Variants in SLC25A21 observed in about 807,000 individuals in gnomAD.
SLC25A21 encodes the protein mitochondrial 2-oxodicarboxylate carrier.
In SLC25A21, 47 loss-of-function variants were observed where a neutral mutation model predicts 43.8. That is an observed-to-expected ratio of 1.07 (90% confidence interval 0.85 to 1.37). The LOEUF is 1.37. Among genes scored for constraint, SLC25A21 ranks in the 40% most tolerant of loss-of-function variants. SLC25A21 has a pLI of 0.00. For synonymous variants in SLC25A21, 131 were observed against 121.3 expected (o/e 1.08, Z -0.52); for missense variants, 352 against 350.2 (o/e 1.00, Z -0.04).
chr14:37,149,923 A>G (rs1963730490), intron 1 of SLC25A21, among the ~76,000 whole-genome samples: 1 of 152,186 alleles, frequency 6.6e-6, no homozygotes, highest in African/African-American at 2.4e-5. Context: ...TGATTACAGA[A>G]GCAAGCACTT....
chr14:37,159,239 T>C (rs1028445870), intron 1 of SLC25A21, among the ~76,000 whole-genome samples: 4 of 149,760 alleles, frequency 2.7e-5, no homozygotes, highest in African/African-American at 4.9e-5. Flanking sequence ...TTAAAATCCA[T>C]AGGGAATCAA....
intron 3 of SLC25A21, 134 bp downstream of exon 3, chr14:36,813,784 A>G (rs1403020092): frequency 1.2e-5 from 8 of 645,300 alleles, no homozygotes; most frequent in Middle Eastern, 8.4e-4. Context: ...CATTATTAGG[A>G]AAAACATAAC....
At chr14:36,824,802 T>TA (rs11386652) in intron 2 of SLC25A21, among the ~76,000 whole-genome samples, 82,007 of 99,524 alleles carry the variant, frequency 0.82, 34,843 homozygotes, top group Non-Finnish European at 0.91. Flanking sequence ...TCTGGAATCC[T>TA]AAAAAAAAAA....
chr14:36,776,641 A>G (rs1323410385), intron 3 of SLC25A21, among the ~76,000 whole-genome samples: 1 of 152,086 alleles, frequency 6.6e-6, no homozygotes, highest in East Asian at 1.9e-4. Flanking sequence ...CTGGAAACAC[A>G]GTGACTTTTG....
rs532808004 is a variant in SLC25A21, at chr14:37,136,421, A to C, written c.70+35860T>G. On this transcript the variant is annotated intron_variant, in intron 1 of 9. Coordinates refer to ENST00000331299, the MANE Select transcript of SLC25A21 (RefSeq NM_030631.4). ...ATTCAGCTGTATGAATCCAGGAAAC[A>C]TTTTTTTTCCTGTCACTATTAATTA... Among the ~76,000 whole-genome samples, 20 of 152,098 alleles carry C rather than the reference A, an allele frequency of 1.3e-4. No homozygotes were observed. The South Asian group carries it at 3.5e-3, about 27-fold the overall frequency.
Position 36,912,728 on chromosome 14 carries a change from T to C in SLC25A21, c.71-37724A>G, listed in dbSNP as rs571972151. 1.6e-4 allele frequency among the ~76,000 whole-genome samples: 25 copies of C among 152,364 alleles called. No individual in the cohort carries two copies. The South Asian group carries it at 5.2e-3, about 32-fold the overall frequency. Reference sequence around the variant, plus strand: ...TAGACTTGCCAAGAATGTAAGCCTCTGTCTGGGTAAGTCTGTCTATAAATT... The same window carrying C: ...TAGACTTGCCAAGAATGTAAGCCTCCGTCTGGGTAAGTCTGTCTATAAATT... On this transcript the variant is annotated intron_variant, in intron 1 of 9. Transcript: ENST00000331299.
intron 3 of SLC25A21, among the ~76,000 whole-genome samples, chr14:36,741,107 T>C (rs992380208): frequency 7.2e-5 from 11 of 152,322 alleles, no homozygotes; most frequent in Admixed American, 2.0e-4. Context: ...CCCCTCCTTT[T>C]ACCCCTCTGA....
chr14:37,063,475 G>C (rs1200548537), intron 1 of SLC25A21, among the ~76,000 whole-genome samples: 1 of 152,076 alleles, frequency 6.6e-6, no homozygotes, highest in Non-Finnish European at 1.5e-5. Context: ...ACTCCAGTCT[G>C]GGTGACAGAA....
chr14:36,960,217 C>G (rs1959454902), intron 1 of SLC25A21, among the ~76,000 whole-genome samples: 1 of 152,124 alleles, frequency 6.6e-6, no homozygotes, highest in Non-Finnish European at 1.5e-5. Context: ...CACAGGAATC[C>G]TCTTCCTATC....
At chr14:37,050,258 T>C (rs763822255) in intron 1 of SLC25A21, among the ~76,000 whole-genome samples, 5 of 152,224 alleles carry the variant, frequency 3.3e-5, no homozygotes, top group Non-Finnish European at 5.9e-5. Flanking sequence ...CACACACACA[T>C]ATTTGTGTTG....
chr14:37,098,770 CAGACAGACAGACAGACAGAT>C (rs1192089590), intron 1 of SLC25A21, among the ~76,000 whole-genome samples: 5 of 121,472 alleles, frequency 4.1e-5, no homozygotes, highest in African/African-American at 1.5e-4. Flanking sequence ...GACAGACAGA[CAGACAGACAGACAGACAGAT>C]AGATAGATAG....
In SLC25A21 at chr14:37,172,566, G is replaced by A. The variant is rs759994913; in HGVS notation, c.-216C>T. The stretch of plus-strand genomic sequence containing the variant: ...GTCGGAACCTGTTCGCAGCGCTCTC[G>A]CAGAGGCGCCCTCGGCTCCGAAAAT... On this transcript the variant is annotated 5_prime_UTR_variant, in exon 1 of 10. Transcript: ENST00000331299. 236 of 705,418 alleles carry A rather than the reference G, an allele frequency of 3.3e-4. 1 individual carries two copies. Among genetic ancestry groups the A allele is most frequent in the Admixed American group, 1.6e-4 (8 of 49,884 alleles). 43.7% of individuals were successfully genotyped at this position (705,418 alleles called of 1,614,324 possible).
intron 3 of SLC25A21, chr14:36,759,593 A>G (rs186581949): frequency 6.6e-6 from 1 of 152,358 alleles, no homozygotes; most frequent in East Asian, 1.9e-4. Context: ...CAAGTCCCCA[A>G]AGGGGAAAGG....
At chr14:36,789,908 A>T (rs549075217) in intron 3 of SLC25A21, among the ~76,000 whole-genome samples, 10 of 123,340 alleles carry the variant, frequency 8.1e-5, no homozygotes, top group African/African-American at 1.6e-4. Flanking sequence ...ATATATATTT[A>T]TATATATTAT....
intron 1 of SLC25A21, 63 bp from the exon 2 acceptor site, chr14:36,875,067 T>A: frequency 7.1e-7 from 1 of 1,403,086 alleles, no homozygotes; most frequent in Non-Finnish European, 1.0e-6. Flanking sequence ...ATTTCCTTGA[T>A]CCCGTCGATT....
At chr14:37,105,909 G>A (rs1281800788) in intron 1 of SLC25A21, among the ~76,000 whole-genome samples, 1 of 152,136 alleles carries the variant, frequency 6.6e-6, no homozygotes, top group Non-Finnish European at 1.5e-5. Context: ...ACTGCTGCAG[G>A]AAGTCAGGGA....
chr14:36,754,228 GT>G (rs1885837044), intron 3 of SLC25A21, among the ~76,000 whole-genome samples: 1 of 152,156 alleles, frequency 6.6e-6, no homozygotes, highest in Admixed American at 6.5e-5. Context: ...CATCCAATCA[GT>G]TGAAGGCCTG....
intron 1 of SLC25A21, among the ~76,000 whole-genome samples, chr14:36,890,064 C>T (rs1221908637): frequency 1.3e-5 from 2 of 151,984 alleles, no homozygotes; most frequent in Non-Finnish European, 2.9e-5. Context: ...TTTCTTCTGG[C>T]TTATAATTTC....
At chr14:37,079,694 G>T (rs147768065) in intron 1 of SLC25A21, among the ~76,000 whole-genome samples, 1 of 152,008 alleles carries the variant, frequency 6.6e-6, no homozygotes, top group Admixed American at 6.6e-5. Context: ...CAAAGATTTC[G>T]CTTGCTCTTC....
Sources: gnomAD v4.1 joint callset for allele counts (sites outside exome capture counted in the v4.1 genomes callset) on GRCh38, gnomAD v4.1.1 for gene constraint, MANE v1.5 for transcripts, NCBI Gene and HGNC (gene_info 2026-07-23, HGNC 2026-07-21) for gene names.